Variants in ZMIZ1 observed in about 807,000 individuals in gnomAD.
The protein encoded by ZMIZ1 is zinc finger MIZ domain-containing protein 1.
A neutral mutation model predicts 113.9 loss-of-function variants in ZMIZ1; 17 were observed. The observed-to-expected ratio is 0.15, with a 90% CI of 0.10 to 0.22. The LOEUF is 0.22. Among genes scored for constraint, ZMIZ1 ranks in the 10% least tolerant of loss-of-function variants. The pLI is 1.00. For synonymous variants in ZMIZ1, 607 were observed against 603.1 expected (o/e 1.01, Z -0.09); for missense variants, 1,059 against 1,477.8 (o/e 0.72, Z 4.65).
At chr10:79,292,029 A>G (rs1172027504) in intron 10 of ZMIZ1, 129 bp from the exon 11 acceptor site, 2 of 944,274 alleles carry the variant, frequency 2.1e-6, no homozygotes, top group African/African-American at 1.6e-5. Context: ...ATGGCTGCCA[A>G]TCCCAAGAGG....
At chr10:79,123,881 G>A (rs1468104649) in intron 2 of ZMIZ1, among the ~76,000 whole-genome samples, 3 of 152,238 alleles carry the variant, frequency 2.0e-5, no homozygotes, top group East Asian at 1.9e-4. Flanking sequence ...GTGGCCACAC[G>A]GAGCTGGGAT....
At chr10:79,254,658 T>C (rs1850766083) in intron 7 of ZMIZ1, among the ~76,000 whole-genome samples, 2 of 152,216 alleles carry the variant, frequency 1.3e-5, no homozygotes, top group African/African-American at 4.8e-5. Context: ...CAGCGTGATA[T>C]TCCATGCCAT....
rs143184966 is a variant in ZMIZ1, at chr10:79,089,528, C to T, written c.-337+20258C>T. Among the ~76,000 whole-genome samples, 14 of 152,294 alleles carry T rather than the reference C, an allele frequency of 9.2e-5. No homozygotes were observed. In the East Asian group the frequency reaches 9.6e-4, roughly 10 times the overall value. On this transcript the variant is annotated intron_variant, in intron 1 of 24. Transcript: ENST00000334512. Reference sequence around the variant, plus strand: ...CCCCTCTCCCTGGGCCCTGAAAACCCGGAGGGGTACTGGGACTGCTGTGTT... The same window carrying T: ...CCCCTCTCCCTGGGCCCTGAAAACCTGGAGGGGTACTGGGACTGCTGTGTT...
intron 8 of ZMIZ1, among the ~76,000 whole-genome samples, chr10:79,282,041 C>G (rs1852770463): frequency 6.6e-6 from 1 of 152,172 alleles, no homozygotes; most frequent in Admixed American, 6.5e-5. Flanking sequence ...ATTCTGAGGA[C>G]ACGTTGTGGT....
intron 6 of ZMIZ1, 36 bp from the exon 7 acceptor site, chr10:79,216,133 C>T (rs1259688364): frequency 4.2e-6 from 6 of 1,433,482 alleles, no homozygotes; most frequent in South Asian, 3.0e-5. Context: ...CTCTGGGCTC[C>T]GTGACTCACC....
chr10:79,197,929 A>G (rs1847911949), intron 4 of ZMIZ1, among the ~76,000 whole-genome samples: 1 of 152,038 alleles, frequency 6.6e-6, no homozygotes, highest in Admixed American at 6.6e-5. Context: ...CGCACGCCCA[A>G]CCCATCTGGC....
At chr10:79,264,784 G>A (rs1394910125) in intron 7 of ZMIZ1, among the ~76,000 whole-genome samples, 1 of 152,226 alleles carries the variant, frequency 6.6e-6, no homozygotes, top group Non-Finnish European at 1.5e-5. Context: ...TCAGCTAAAA[G>A]TGCATGGTAG....
At chr10:79,308,701 C>T (rs1356866401) in intron 23 of ZMIZ1, among the ~76,000 whole-genome samples, 1 of 152,132 alleles carries the variant, frequency 6.6e-6, no homozygotes, top group East Asian at 1.9e-4. Flanking sequence ...ACTCTCTGCC[C>T]CATGGGGCTT....
chr10:79,238,174 C>T (rs193264647), intron 7 of ZMIZ1, among the ~76,000 whole-genome samples: 5 of 152,308 alleles, frequency 3.3e-5, no homozygotes, highest in Middle Eastern at 3.4e-3. Context: ...CCTCTCTTCT[C>T]CTCTAGCCTG....
At chr10:79,312,438 G>T (rs1230974333) in intron 24 of ZMIZ1, among the ~76,000 whole-genome samples, 1 of 152,246 alleles carries the variant, frequency 6.6e-6, no homozygotes, top group South Asian at 2.1e-4. Context: ...TGAGCATGGG[G>T]GTGCCCCACA....
chr10:79,110,193 A>G (rs1014738219), intron 1 of ZMIZ1, among the ~76,000 whole-genome samples: 1 of 152,222 alleles, frequency 6.6e-6, no homozygotes, highest in African/African-American at 2.4e-5. Flanking sequence ...TCTTTCCAGC[A>G]GGCATGTTCG....
At chr10:79,187,089 G>C (rs1039357255) in intron 4 of ZMIZ1, among the ~76,000 whole-genome samples, 1 of 152,216 alleles carries the variant, frequency 6.6e-6, no homozygotes, top group Non-Finnish European at 1.5e-5. Flanking sequence ...TGGATTTTAG[G>C]CTTCTGGAAA....
chr10:79,116,523 C>T (rs1450999902), intron 1 of ZMIZ1, among the ~76,000 whole-genome samples: 1 of 152,074 alleles, frequency 6.6e-6, no homozygotes, highest in Non-Finnish European at 1.5e-5. Flanking sequence ...GGAAGGGCAT[C>T]CTGCGGTGGA....
intron 1 of ZMIZ1, among the ~76,000 whole-genome samples, chr10:79,108,469 G>C (rs1445178284): frequency 6.6e-6 from 1 of 152,188 alleles, no homozygotes; most frequent in Admixed American, 6.5e-5. Flanking sequence ...CTGGGGATGG[G>C]AGGGTGGTGC....
chr10:79,260,160 T>G (rs1182225016), intron 7 of ZMIZ1, among the ~76,000 whole-genome samples: 2 of 152,238 alleles, frequency 1.3e-5, no homozygotes, highest in Non-Finnish European at 2.9e-5. Flanking sequence ...TTTGTGTACC[T>G]GCAGTGCCCT....
chr10:79,118,407 G>A lies in ZMIZ1; in HGVS notation c.-336-508G>A, dbSNP rs1189548178. Among the ~76,000 whole-genome samples the A allele has an allele frequency of 6.6e-6, 1 of 152,238 alleles. No individual in the cohort carries two copies. Among genetic ancestry groups the A allele is most frequent in the Non-Finnish European group, 1.5e-5 (1 of 68,034 alleles). ...GGAGCTGGGCCTGGAGCGGGAGAGTGTCCTGTGGGAAGCGGGAGGAGGCAA... is the reference window on the plus strand; with the variant it reads ...GGAGCTGGGCCTGGAGCGGGAGAGTATCCTGTGGGAAGCGGGAGGAGGCAA... On this transcript the variant is annotated intron_variant, in intron 1 of 24. Coordinates refer to ENST00000334512, the MANE Select transcript of ZMIZ1 (RefSeq NM_020338.4). The surrounding 1 kb of genome is among the most constrained non-coding windows in gnomAD (Gnocchi z 4.1).
chr10:79,282,118 C>CACAAAGGATAA (rs1852775316), intron 8 of ZMIZ1, among the ~76,000 whole-genome samples: 1 of 152,348 alleles, frequency 6.6e-6, no homozygotes, highest in Non-Finnish European at 1.5e-5. Flanking sequence ...ATAAATCCCT[C>CACAAAGGATAA]ATTTCCAGGG....
chr10:79,203,075 G>C (rs1440877118), intron 5 of ZMIZ1, among the ~76,000 whole-genome samples: 1 of 152,146 alleles, frequency 6.6e-6, no homozygotes, highest in Non-Finnish European at 1.5e-5. Flanking sequence ...CCCTGGCCTA[G>C]GCCAGCTTAG....
chr10:79,125,476 G>A (rs2132348578), intron 2 of ZMIZ1, among the ~76,000 whole-genome samples: 1 of 152,376 alleles, frequency 6.6e-6, no homozygotes, highest in Middle Eastern at 3.4e-3. Flanking sequence ...AGGAGTGTAA[G>A]GTTGTAAAGA....
Sources: allele counts gnomAD v4.1 joint callset (sites outside exome capture counted in the v4.1 genomes callset), GRCh38; gene constraint gnomAD v4.1.1; non-coding constraint Gnocchi (gnomAD v3.1); transcripts MANE v1.5; gene names NCBI Gene and HGNC (gene_info 2026-07-23, HGNC 2026-07-21).